MCTS2: variants seen among roughly 807,000 people sequenced by gnomAD.
MCTS2 encodes malignant T-cell-amplified sequence 2.
the MCTS2 span, chr20:31,547,889 A>T: frequency 9.6e-7 from 1 of 1,036,846 alleles, no homozygotes; most frequent in Non-Finnish European, 1.5e-6. Flanking sequence ...GCTGCAGTAG[A>T]TACGATTGTA....
At chr20:31,547,991 G>A in the MCTS2 span, 2 of 1,584,776 alleles carry the variant, frequency 1.3e-6, no homozygotes, top group East Asian at 2.2e-5. Context: ...AAAGGAATTG[G>A]CATTGAAAAT....
the MCTS2 span, chr20:31,548,007 T>G: frequency 1.9e-5 from 31 of 1,591,794 alleles, no homozygotes; most frequent in Non-Finnish European, 2.2e-5. Flanking sequence ...AAAATATCCA[T>G]TATTTAAATG....
the MCTS2 span, chr20:31,547,751 G>A: frequency 1.2e-5 from 12 of 1,014,846 alleles, no homozygotes; most frequent in Non-Finnish European, 1.8e-5. Flanking sequence ...CCAACTCTAA[G>A]GTTGCTTCAC....
the MCTS2 span, chr20:31,547,645 G>T: frequency 6.4e-7 from 1 of 1,573,836 alleles, no homozygotes; most frequent in Non-Finnish European, 8.6e-7. Flanking sequence ...GCCTAAGAAA[G>T]ATCCTGTCAA....
At chr20:31,547,803 A>G in the MCTS2 span, 1 of 955,172 alleles carries the variant, frequency 1.0e-6, no homozygotes, top group Non-Finnish European at 1.7e-6. Context: ...TTGATAAAGG[A>G]GCTATCAAAT....
the MCTS2 span, chr20:31,547,984 G>A: frequency 2.5e-6 from 4 of 1,578,592 alleles, no homozygotes; most frequent in South Asian, 2.2e-5. Flanking sequence ...AGTCAACAAA[G>A]GAATTGGCAT....
the MCTS2 span, chr20:31,547,382 G>A: frequency 2.5e-6 from 1 of 392,818 alleles, no homozygotes. Context: ...TCCGGTTAGC[G>A]ACAACGGCTC....
the MCTS2 span, chr20:31,547,971 G>A: frequency 6.4e-7 from 1 of 1,556,572 alleles, no homozygotes; most frequent in Non-Finnish European, 8.9e-7. Flanking sequence ...AAGATATTGA[G>A]AAAGTCAACA....
chr20:31,547,432 CCTG>C, the MCTS2 span: 5 of 507,392 alleles, frequency 9.9e-6, no homozygotes, highest in Admixed American at 1.9e-4. Flanking sequence ...CGCCGGCCTT[CCTG>C]CAGGGGACTC....
At chr20:31,547,930 C>G in the MCTS2 span, 2 of 1,279,986 alleles carry the variant, frequency 1.6e-6, no homozygotes, top group South Asian at 2.4e-5. Flanking sequence ...ACAGCATGCT[C>G]TGTGTGTTGG....
the MCTS2 span, chr20:31,547,828 G>A: frequency 9.6e-6 from 9 of 935,616 alleles, no homozygotes; most frequent in South Asian, 3.9e-5. Context: ...ACTCAGTGGC[G>A]CAAATATTAT....
chr20:31,547,748 T>G, the MCTS2 span: 1 of 1,016,990 alleles, frequency 9.8e-7, no homozygotes, highest in Non-Finnish European at 1.5e-6. Context: ...TGTCCAACTC[T>G]AAGGTTGCTT....
At chr20:31,547,763 A>T in the MCTS2 span, 1 of 976,626 alleles carries the variant, frequency 1.0e-6, no homozygotes, top group South Asian at 1.4e-5. Flanking sequence ...TTGCTTCACA[A>T]ATACCCTTTT....
chr20:31,547,795 G>A, the MCTS2 span: 1 of 953,794 alleles, frequency 1.0e-6, no homozygotes, highest in Non-Finnish European at 1.7e-6. Flanking sequence ...CCAGCAGGTT[G>A]ATAAAGGAGC....
the MCTS2 span, chr20:31,547,488 C>T: frequency 1.5e-5 from 10 of 647,642 alleles, no homozygotes; most frequent in African/African-American, 3.8e-5. Context: ...TGTTGTCGCC[C>T]GCTTCACCCT....
chr20:31,547,397 C>A, the MCTS2 span: 1 of 433,050 alleles, frequency 2.3e-6, no homozygotes, highest in Non-Finnish European at 4.1e-6. Context: ...CGGCTCTGAC[C>A]GTCTGGCAGG....
chr20:31,547,398 G>A, the MCTS2 span: 6 of 435,040 alleles, frequency 1.4e-5, no homozygotes, highest in South Asian at 1.5e-4. Flanking sequence ...GGCTCTGACC[G>A]TCTGGCAGGC....
the MCTS2 span, chr20:31,547,940 G>C: frequency 2.8e-5 from 38 of 1,339,090 alleles, no homozygotes; most frequent in Non-Finnish European, 3.8e-5. Context: ...CTGTGTGTTG[G>C]GGTCATGAAG....
chr20:31,547,615 CCATGGCTTAAT>C, the MCTS2 span: 1 of 1,576,606 alleles, frequency 6.3e-7, no homozygotes, highest in Non-Finnish European at 8.6e-7. Flanking sequence ...AGGTATTGAA[CCATGGCTTAAT>C]CAAATCATGC....
Sources: gnomAD v4.1 joint callset for allele counts on GRCh38, gnomAD v4.1.1 for gene constraint, MANE v1.5 for transcripts, NCBI Gene and HGNC (gene_info 2026-07-23, HGNC 2026-07-21) for gene names.